The following PTPRG variants were observed in gnomAD, a reference collection of about 807,000 sequenced individuals.
The protein encoded by PTPRG is protein tyrosine phosphatase receptor type G.
A neutral mutation model predicts 165.3 loss-of-function variants in PTPRG; 102 were observed. The ratio of observed to expected loss-of-function variants is 0.62; its 90% CI spans 0.53 to 0.73. The LOEUF is 0.73. PTPRG is among the 30% of genes least tolerant of loss of function. PTPRG has a pLI of 0.00. For synonymous variants in PTPRG, 675 were observed against 669.5 expected, an observed-to-expected ratio of 1.01 and a Z score of -0.13; for missense variants, 1,866 against 1,861.4, an observed-to-expected ratio of 1.00 and a Z score of -0.05.
chr3:61,856,553 T>TC (rs1236932057), intron 2 of PTPRG, among the ~76,000 whole-genome samples: 2 of 152,192 alleles, frequency 1.3e-5, no homozygotes, highest in African/African-American at 4.8e-5. Context: ...ATACTTTTTT[T>TC]CTCATTGCAT....
At chr3:61,582,701 G>A (rs1700330067) in intron 1 of PTPRG, among the ~76,000 whole-genome samples, 1 of 152,188 alleles carries the variant, frequency 6.6e-6, no homozygotes, top group Non-Finnish European at 1.5e-5. Context: ...AGAAATGAAT[G>A]CCTGAGATGT....
At chr3:61,677,434 G>T (rs1354845232) in intron 1 of PTPRG, among the ~76,000 whole-genome samples, 1 of 152,138 alleles carries the variant, frequency 6.6e-6, no homozygotes, top group African/African-American at 2.4e-5. Context: ...AAACTAACTT[G>T]TTCAGTTAAA....
At chr3:62,095,918 T>C (rs1273434226) in intron 5 of PTPRG, among the ~76,000 whole-genome samples, 1 of 152,028 alleles carries the variant, frequency 6.6e-6, no homozygotes, top group Admixed American at 6.6e-5. Context: ...GAGAAAGCCC[T>C]CAAGGCTCAA....
intron 8 of PTPRG, among the ~76,000 whole-genome samples, chr3:62,185,236 C>G (rs952313420): frequency 2.0e-5 from 3 of 152,124 alleles, no homozygotes; most frequent in Non-Finnish European, 4.4e-5. Flanking sequence ...CAATCGGACC[C>G]CAGTGGGAAC....
chr3:62,287,446 G>GAACATTT (rs1040232731), intron 28 of PTPRG, among the ~76,000 whole-genome samples: 11 of 151,684 alleles, frequency 7.3e-5, no homozygotes, highest in Non-Finnish European at 1.6e-4. Context: ...ATGAAATGAA[G>GAACATTT]AACATTTATT....
intron 1 of PTPRG, among the ~76,000 whole-genome samples, chr3:61,625,591 A>C (rs1459029954): frequency 6.6e-6 from 1 of 152,082 alleles, no homozygotes; most frequent in Non-Finnish European, 1.5e-5. Flanking sequence ...TTTTCTGTTT[A>C]TTATTCCATA....
intron 1 of PTPRG, among the ~76,000 whole-genome samples, chr3:61,672,802 GGAGAGAGAGGGAGAGAGAGAGGGA>G (rs1249078538): frequency 7.2e-6 from 1 of 138,840 alleles, no homozygotes; most frequent in Admixed American, 7.0e-5. Flanking sequence ...GGAGAGAGGG[GGAGAGAGAGGGAGAGAGAGAGGGA>G]GAGGGAGAGG....
intron 1 of PTPRG, among the ~76,000 whole-genome samples, chr3:61,689,278 G>T (rs1339969040): frequency 1.3e-5 from 2 of 152,230 alleles, no homozygotes; most frequent in Admixed American, 6.5e-5. Flanking sequence ...ATCATCATCT[G>T]TAATGGTTGA....
rs970526911 is a variant in PTPRG, at chr3:62,159,937, G to A, written c.840+2713G>A. ...AAGCATTCGCCATCCAAGTATTATC[G>A]CTTCAGACCTTCCCACCCTGACCCT... is the stretch of plus-strand genomic sequence containing the variant. On this transcript the variant is annotated intron_variant, in intron 7 of 29. Coordinates refer to ENST00000474889, the MANE Select transcript of PTPRG (RefSeq NM_002841.4). 1.8e-4 allele frequency among the ~76,000 whole-genome samples: 28 copies of A among 152,078 alleles called. 4 individuals are homozygous for A. Among genetic ancestry groups the A allele is most frequent in the Admixed American group, 1.3e-3 (20 of 15,264 alleles).
At chr3:61,917,532 G>A (rs770636983) in intron 2 of PTPRG, among the ~76,000 whole-genome samples, 1 of 152,160 alleles carries the variant, frequency 6.6e-6, no homozygotes, top group Non-Finnish European at 1.5e-5. Flanking sequence ...TTATCTTAAT[G>A]TGTCAGCATT....
chr3:62,177,115 A>C (rs1302742379), intron 8 of PTPRG, among the ~76,000 whole-genome samples: 1 of 151,918 alleles, frequency 6.6e-6, no homozygotes, highest in African/African-American at 2.4e-5. Context: ...AAGAAAAAAA[A>C]ATTTATCTTT....
chr3:62,225,657 C>CTTT (rs770451766), intron 13 of PTPRG, among the ~76,000 whole-genome samples: 1 of 137,622 alleles, frequency 7.3e-6, no homozygotes, highest in African/African-American at 2.7e-5. Flanking sequence ...AGCAAAAAAC[C>CTTT]TTTTTTTTTT....
chr3:62,218,841 C>G lies in PTPRG; in HGVS notation c.2156-10C>G. 6.2e-7 allele frequency: 1 copy of G among 1,611,244 alleles called. No homozygotes were observed. Among genetic ancestry groups the G allele is most frequent in the Non-Finnish European group, 8.5e-7 (1 of 1,178,642 alleles). ...CTCTGTCCTCTAACTGGGATGATTT[C>G]TCTTGGCAGCGGAAAAAAACACCTC... On this transcript the variant is annotated splice_polypyrimidine_tract_variant and intron_variant, in intron 12 of 29. Transcript: ENST00000474889.
At chr3:61,963,272 T>C (rs1366407326) in intron 2 of PTPRG, among the ~76,000 whole-genome samples, 1 of 152,184 alleles carries the variant, frequency 6.6e-6, no homozygotes, top group Non-Finnish European at 1.5e-5. Flanking sequence ...ACTTTCATCA[T>C]ATTTTCAAAG....
intron 1 of PTPRG, among the ~76,000 whole-genome samples, chr3:61,680,252 A>G (rs369854921): frequency 2.6e-5 from 4 of 152,028 alleles, no homozygotes; most frequent in African/African-American, 7.2e-5. Context: ...CCAGACAGTT[A>G]ATTGTGAAGT....
chr3:62,073,387 G>C (rs951602061), intron 4 of PTPRG, among the ~76,000 whole-genome samples: 1 of 152,176 alleles, frequency 6.6e-6, no homozygotes, highest in South Asian at 2.1e-4. Context: ...AAGCCCAATA[G>C]ATAGCACCTT....
intron 2 of PTPRG, among the ~76,000 whole-genome samples, chr3:61,754,461 A>C (rs935004257): frequency 6.6e-6 from 1 of 152,088 alleles, no homozygotes; most frequent in Non-Finnish European, 1.5e-5. Context: ...CGTGTGTCTC[A>C]TTTCCCCGGC....
At position 61,743,203 on chromosome 3, in the gene PTPRG, T is replaced by G. The variant is rs556117699; in HGVS notation, c.86-5675T>G. 10 of 716,516 alleles carry G rather than the reference T, an allele frequency of 1.4e-5. No homozygotes were observed. In the South Asian group the frequency reaches 1.5e-4, roughly 11 times the overall value. 44.4% of individuals were successfully genotyped at this position (716,516 alleles called of 1,614,324 possible). On this transcript the variant is annotated intron_variant, in intron 1 of 29. Coordinates refer to ENST00000474889, the MANE Select transcript of PTPRG (RefSeq NM_002841.4). ...GAAATGAGGTAGGCTCAGTAGAAGT[T>G]CTGAGAAGAGACAGAGTTTATGGAA...
intron 5 of PTPRG, among the ~76,000 whole-genome samples, chr3:62,120,658 G>A (rs1184282979): frequency 6.6e-6 from 1 of 151,894 alleles, no homozygotes; most frequent in African/African-American, 2.4e-5. Context: ...GCCTGAGGCA[G>A]GAGAATCGCT....
Sources: allele counts gnomAD v4.1 joint callset (sites outside exome capture counted in the v4.1 genomes callset), GRCh38; gene constraint gnomAD v4.1.1; transcripts MANE v1.5; gene names NCBI Gene and HGNC (gene_info 2026-07-23, HGNC 2026-07-21).